CNST: variants seen among roughly 807,000 people sequenced by gnomAD.
CNST encodes the protein consortin, connexin sorting protein, also known as consortin.
Under a neutral mutation model 72.4 loss-of-function variants are expected in CNST, and 39 were observed. That is an observed-to-expected ratio of 0.54 (90% CI 0.42 to 0.70). The LOEUF is 0.70. Among genes scored for constraint, CNST ranks in the 30% least tolerant of loss-of-function variants. The pLI, the probability that CNST is intolerant of heterozygous loss-of-function variation, is 0.00. For missense variants in CNST, 871 were observed against 868.5 expected (o/e 1.00, Z -0.04); for synonymous variants, 332 against 320.1 (o/e 1.04, Z -0.40).
intron 1 of CNST, among the ~76,000 whole-genome samples, chr1:246,586,571 G>A (rs1572131809): frequency 6.6e-6 from 1 of 151,522 alleles, no homozygotes; most frequent in Middle Eastern, 3.4e-3. Context: ...CTTTTTTAAC[G>A]TGATGTTGGT....
intron 2 of CNST, among the ~76,000 whole-genome samples, chr1:246,617,262 A>G (rs890104412): frequency 3.3e-5 from 5 of 152,226 alleles, no homozygotes; most frequent in Non-Finnish European, 7.3e-5. Flanking sequence ...AAGCTCAATG[A>G]TGTTCAAACC....
At chr1:246,640,348 T>C (rs1665605046) in intron 6 of CNST, among the ~76,000 whole-genome samples, 1 of 152,192 alleles carries the variant, frequency 6.6e-6, no homozygotes, top group South Asian at 2.1e-4. Context: ...AGTCTGATGC[T>C]AGAAAGCAAA....
chr1:246,590,907 T>G (rs1446091375), intron 1 of CNST, among the ~76,000 whole-genome samples: 1 of 150,756 alleles, frequency 6.6e-6, no homozygotes, highest in African/African-American at 2.4e-5. Context: ...ATGACAACTC[T>G]AAGGTACCTT....
intron 3 of CNST, among the ~76,000 whole-genome samples, chr1:246,629,379 A>G (rs925280669): frequency 7.1e-5 from 8 of 113,362 alleles, no homozygotes; most frequent in Middle Eastern, 3.7e-3. Flanking sequence ...TTATTTCTCA[A>G]GATGACTTTT....
intron 3 of CNST, among the ~76,000 whole-genome samples, chr1:246,631,571 G>A (rs1664776277): frequency 6.6e-6 from 1 of 151,904 alleles, no homozygotes; most frequent in South Asian, 2.1e-4. Context: ...TTCTATTTTT[G>A]TAAGTCTCTA....
chr1:246,642,685 G>T (rs1054322395), intron 8 of CNST, among the ~76,000 whole-genome samples: 14 of 148,414 alleles, frequency 9.4e-5, no homozygotes, highest in African/African-American at 3.2e-4. Context: ...ATGTTTTAGG[G>T]TTTTTTTCCC....
chr1:246,658,353 T>G (rs1572253397), intron 9 of CNST, among the ~76,000 whole-genome samples: 1 of 152,250 alleles, frequency 6.6e-6, no homozygotes, highest in African/African-American at 2.4e-5. Context: ...TGTTGCTTTC[T>G]TCATATATTT....
At chr1:246,636,801 A>G (rs1373965069) in intron 6 of CNST, among the ~76,000 whole-genome samples, 3 of 152,192 alleles carry the variant, frequency 2.0e-5, no homozygotes, top group South Asian at 4.1e-4. Flanking sequence ...CTAAGGTTCC[A>G]CAATAGGATC....
chr1:246,605,080 T>C (rs796443439), intron 2 of CNST, among the ~76,000 whole-genome samples: 1 of 152,380 alleles, frequency 6.6e-6, no homozygotes, highest in African/African-American at 2.4e-5. Flanking sequence ...TCATATACTT[T>C]CTTATAAGGT....
chr1:246,609,304 G>A (rs953780916), intron 2 of CNST, among the ~76,000 whole-genome samples: 3 of 152,216 alleles, frequency 2.0e-5, no homozygotes, highest in African/African-American at 2.4e-5. Flanking sequence ...GGCCAGGCAC[G>A]GCAGCTCACG....
chr1:246,652,372 T>C (rs3124087), intron 9 of CNST, among the ~76,000 whole-genome samples: 76,673 of 152,054 alleles, frequency 0.5, 20,888 homozygotes, highest in East Asian at 0.69. Context: ...CTTACACACA[T>C]AGAGATGAGG....
intron 2 of CNST, among the ~76,000 whole-genome samples, chr1:246,593,408 C>T (rs371902398): frequency 1.9e-3 from 287 of 151,834 alleles, no homozygotes; most frequent in African/African-American, 5.7e-3. Context: ...CTGCAACCTC[C>T]GCCTCCTGGA....
chr1:246,626,517 G>A (rs1249621757), intron 3 of CNST, among the ~76,000 whole-genome samples: 4 of 138,476 alleles, frequency 2.9e-5, no homozygotes, highest in African/African-American at 1.1e-4. Context: ...GAGTGCAGTG[G>A]CACAATCTTG....
At chr1:246,653,459 G>C (rs1227109280) in intron 9 of CNST, among the ~76,000 whole-genome samples, 2 of 152,190 alleles carry the variant, frequency 1.3e-5, no homozygotes. Context: ...TGCCCAGAAT[G>C]GCTCTTTTGA....
intron 3 of CNST, among the ~76,000 whole-genome samples, chr1:246,625,053 C>T (rs1664327418): frequency 6.6e-6 from 1 of 152,174 alleles, no homozygotes; most frequent in South Asian, 2.1e-4. Flanking sequence ...AATATTTGTA[C>T]ATAAATCTCC....
rs141944253 is a variant in CNST, at chr1:246,620,885, A to G, written c.380-544A>G. Among the ~76,000 whole-genome samples, 50 of 149,244 alleles carry G rather than the reference A, an allele frequency of 3.4e-4. No individual in the cohort carries two copies. The East Asian group carries it at 6.5e-3, about 19-fold the overall frequency. On this transcript the variant is annotated intron_variant, in intron 2 of 10. Transcript: ENST00000366513. The stretch of plus-strand genomic sequence containing the variant: ...ATGGCTTCAGTCATGCGTACACACT[A>G]TGGGCTCTGGGCACTACAGGGAGGA...
intron 2 of CNST, among the ~76,000 whole-genome samples, chr1:246,593,507 A>C (rs911857979): frequency 2.0e-5 from 3 of 151,460 alleles, no homozygotes; most frequent in Non-Finnish European, 1.5e-5. Context: ...TGCCCAGCTA[A>C]TTTTTTTTGT....
At chr1:246,602,446 T>C (rs1256293318) in intron 2 of CNST, among the ~76,000 whole-genome samples, 1 of 152,208 alleles carries the variant, frequency 6.6e-6, no homozygotes, top group Non-Finnish European at 1.5e-5. Context: ...GGTCACATGG[T>C]TCTTGGCAGG....
intron 2 of CNST, among the ~76,000 whole-genome samples, chr1:246,613,566 T>A (rs1390829200): frequency 2.7e-5 from 4 of 150,644 alleles, no homozygotes; most frequent in Non-Finnish European, 4.4e-5. Flanking sequence ...GCGAATGTAG[T>A]TTTGAATGAT....
Sources: allele counts gnomAD v4.1 joint callset (sites outside exome capture counted in the v4.1 genomes callset), GRCh38; gene constraint gnomAD v4.1.1; transcripts MANE v1.5; gene names NCBI Gene and HGNC (gene_info 2026-07-23, HGNC 2026-07-21).